Variants in RALY observed in about 807,000 individuals in gnomAD.
RALY encodes RALY heterogeneous nuclear ribonucleoprotein.
Under a neutral mutation model 30.7 loss-of-function variants are expected in RALY, and 15 were observed. The observed-to-expected ratio is 0.49, with a 90% confidence interval of 0.33 to 0.75. The LOEUF is 0.75. RALY is among the 30% of genes least tolerant of loss of function. The pLI, the probability that RALY is intolerant of heterozygous loss-of-function variation, is 0.02. For synonymous variants in RALY, 177 were observed against 170.8 expected (o/e 1.04, Z -0.28); for missense variants, 339 against 414.3 (o/e 0.82, Z 1.58).
intron 1 of RALY, among the ~76,000 whole-genome samples, chr20:34,023,281 T>G (rs1307079970): frequency 6.6e-6 from 1 of 152,218 alleles, no homozygotes; most frequent in Non-Finnish European, 1.5e-5. Context: ...AGTGACTGAC[T>G]CATTGTGGAT....
At chr20:34,024,594 A>G (rs891984736) in intron 1 of RALY, among the ~76,000 whole-genome samples, 1 of 152,166 alleles carries the variant, frequency 6.6e-6, no homozygotes, top group African/African-American at 2.4e-5. Context: ...ATACGTGAAC[A>G]TGGGTTGGGC....
At chr20:34,005,291 C>G (rs1336168992) in intron 1 of RALY, among the ~76,000 whole-genome samples, 4 of 152,112 alleles carry the variant, frequency 2.6e-5, no homozygotes, top group Non-Finnish European at 5.9e-5. Flanking sequence ...GCAGGCAGAT[C>G]ATGAGGTCAG....
chr20:34,041,693 C>T (rs1163292373), intron 2 of RALY, among the ~76,000 whole-genome samples: 2 of 152,180 alleles, frequency 1.3e-5, no homozygotes, highest in South Asian at 2.1e-4. Context: ...TCTGTATTTT[C>T]CCCAGGATCA....
In RALY at chr20:34,077,135, C is replaced by G; in HGVS notation, c.766C>G (p.Pro256Ala). ...CGGTGGCGGTGGCAGCAGCCGGCCA[C>G]CAGCCCCCCAAGAGAACACAACTTC... Reference protein sequence around the residue: ...GGGGGGSSRPPAPQENTTSEA... With the variant: ...GGGGGGSSRPAAPQENTTSEA... The change falls in exon 8 of 10, where the codon CCA (proline) becomes GCA (alanine). Residue 256 changes from proline to alanine, a missense_variant. Around this residue, in one of 2 missense-constraint regions of RALY, gnomAD observed 268 missense variants for 280.6 expected, o/e 0.95. Transcript: ENST00000246194. The G allele has an allele frequency of 6.2e-7, 1 of 1,611,380 alleles. No individual in the cohort carries two copies. The highest frequency in any genetic ancestry group is 8.5e-7 in the Non-Finnish European group (1 of 1,178,928).
At chr20:34,064,928 T>C (rs1026608344) in intron 2 of RALY, 3 of 152,214 alleles carry the variant, frequency 2.0e-5, no homozygotes, top group Non-Finnish European at 4.4e-5. Context: ...AGTTACAGTT[T>C]CAAGTGATAG....
intron 2 of RALY, among the ~76,000 whole-genome samples, chr20:34,064,440 C>T (rs1044982559): frequency 5.3e-5 from 8 of 152,132 alleles, no homozygotes; most frequent in African/African-American, 1.2e-4. Flanking sequence ...TATAGGACCG[C>T]GCAGTACAGT....
At chr20:33,994,546 C>T (rs1229803437) in intron 1 of RALY, among the ~76,000 whole-genome samples, 1 of 152,234 alleles carries the variant, frequency 6.6e-6, no homozygotes, top group East Asian at 1.9e-4. Context: ...GCCGCGGCTG[C>T]TTCCGGCTCT....
chr20:34,075,304 G>A (rs999116122), intron 5 of RALY, among the ~76,000 whole-genome samples: 2 of 152,100 alleles, frequency 1.3e-5, no homozygotes, highest in Non-Finnish European at 2.9e-5. Context: ...TCAGTACCCT[G>A]ACCTTTCATC....
At chr20:34,054,014 T>C (rs2033163497) in intron 2 of RALY, among the ~76,000 whole-genome samples, 1 of 152,206 alleles carries the variant, frequency 6.6e-6, no homozygotes, top group Non-Finnish European at 1.5e-5. Flanking sequence ...TACTGAACAA[T>C]GATGCCAGTG....
chr20:34,064,653 A>G, intron 2 of RALY, among the ~76,000 whole-genome samples: 1 of 152,202 alleles, frequency 6.6e-6, no homozygotes. Flanking sequence ...ACTCTCAGGC[A>G]AAGTGTGATG....
intron 2 of RALY, among the ~76,000 whole-genome samples, chr20:34,070,974 C>T (rs1258186445): frequency 6.6e-6 from 1 of 152,116 alleles, no homozygotes; most frequent in African/African-American, 2.4e-5. Context: ...GGGAAGTAGA[C>T]ACGTCTTCAT....
chr20:34,072,007 G>A (rs2033740995), intron 2 of RALY, 59 bp from the exon 3 acceptor site: 6 of 1,565,346 alleles, frequency 3.8e-6, no homozygotes, highest in South Asian at 3.5e-5. Flanking sequence ...GATATGGGCC[G>A]TGGGCAGTCC....
rs2034037949 is a variant in RALY, at chr20:34,081,999, G to C, written c.*2094G>C. 1 of 152,516 alleles carries C rather than the reference G, an allele frequency of 6.6e-6. No homozygotes were observed. The highest frequency in any genetic ancestry group is 1.9e-4 in the East Asian group (1 of 5,188). 9.4% of individuals were successfully genotyped at this position (152,516 alleles called of 1,614,324 possible). A position where few individuals can be genotyped will look rare whatever the true frequency, so the allele number is the denominator to read the frequency against. ...TGAGGCCATGAGATGCAGGCATGGG[G>C]TGAGAAACAGGCCCCTTGGAATTGG... On this transcript the variant is annotated 3_prime_UTR_variant, in exon 10 of 10. Transcript: ENST00000246194.
At chr20:34,058,602 A>G (rs1048951386) in intron 2 of RALY, among the ~76,000 whole-genome samples, 1 of 152,198 alleles carries the variant, frequency 6.6e-6, no homozygotes, top group Non-Finnish European at 1.5e-5. Flanking sequence ...TCACATTGAC[A>G]TGTTCACTCT....
chr20:34,075,879 T>A lies in RALY; in HGVS notation c.383T>A (p.Phe128Tyr). 2 of 1,612,670 alleles carry A rather than the reference T, an allele frequency of 1.2e-6. No individual in the cohort carries two copies. ...TGGCCCATCTGCCCTCACAGGCTCT[T>A]CGACTACCGGGGCCGTCTGTCGCCC... ...YYRDDFYDRL[F>Y]DYRGRLSPVP... Residue 128 changes from phenylalanine to tyrosine, a missense_variant, in exon 6 of 10, where the codon TTC (phenylalanine) becomes TAC (tyrosine). Phe to Tyr is a conservative substitution (Grantham distance 22). Coordinates refer to ENST00000246194, the MANE Select transcript of RALY (RefSeq NM_016732.3).
At position 34,077,217 on chromosome 20, in the gene RALY, G is replaced by A; in HGVS notation, c.848G>A (p.Gly283Glu). Residue 283 changes from glycine to glutamate, a missense_variant, in exon 8 of 10, where the codon GGG (glycine) becomes GAG (glutamate). By Grantham distance (98) the Gly-to-Glu change is moderately conservative. This residue lies in a region of RALY where 268 missense variants were observed against 280.6 expected (regional missense o/e 0.95). Transcript: ENST00000246194. The part of the protein sequence containing the change: ...ARTRDDGDEE[G>E]LLTHSEEELE... ...ACCCGAGACGACGGCGATGAGGAAGGGCTCCTGACACACAGCGAGGAAGAG... is the reference window on the plus strand; with the variant it reads ...ACCCGAGACGACGGCGATGAGGAAGAGCTCCTGACACACAGCGAGGAAGAG... 1 of 1,613,832 alleles carries A rather than the reference G, an allele frequency of 6.2e-7. No individual in the cohort carries two copies. Among genetic ancestry groups the A allele is most frequent in the Non-Finnish European group, 8.5e-7 (1 of 1,179,894 alleles).
chr20:34,077,080 T>C lies in RALY; in HGVS notation c.711T>C (p.Gly237=), dbSNP rs765268377. The C allele has an allele frequency of 3.1e-6, 5 of 1,604,884 alleles. No homozygotes were observed. In the African/African-American group the frequency reaches 4.0e-5, roughly 13 times the overall value. ...GGGAGGGGGG[G]GSGGGGSGGG... ...GCGCCGGCGGCGGCGGCGGTGGTGG[T>C]GGCAGCGGTGGCGGTGGCAGTGGTG... is the stretch of plus-strand genomic sequence containing the variant. Residue 237 remains glycine (G), a synonymous_variant, in exon 8 of 10, where the codon GGT becomes GGC. Coordinates refer to ENST00000246194, the MANE Select transcript of RALY (RefSeq NM_016732.3).
chr20:34,075,773 T>C (rs1276089989), intron 5 of RALY, 101 bp from the exon 6 acceptor site: 1 of 1,346,286 alleles, frequency 7.4e-7, no homozygotes, highest in African/African-American at 1.5e-5. Context: ...AGTGCAGGCC[T>C]CCCAGCCCCT....
intron 1 of RALY, among the ~76,000 whole-genome samples, chr20:34,012,295 C>T (rs1200294196): frequency 1.3e-5 from 2 of 152,026 alleles, no homozygotes; most frequent in African/African-American, 4.8e-5. Context: ...ATGTGCTGAG[C>T]CTCTTCTTGG....
Sources: allele counts gnomAD v4.1 joint callset (sites outside exome capture counted in the v4.1 genomes callset), GRCh38; gene constraint gnomAD v4.1.1; regional missense constraint gnomAD v4.1.1; transcripts MANE v1.5; gene names NCBI Gene and HGNC (gene_info 2026-07-23, HGNC 2026-07-21).